The following PRELID2 variants were observed in gnomAD, a reference collection of about 807,000 sequenced individuals.
PRELID2 encodes the protein PRELI domain-containing protein 2.
Under a neutral mutation model 28.4 loss-of-function variants are expected in PRELID2, and 25 were observed. The ratio of observed to expected loss-of-function variants is 0.88; its 90% CI spans 0.64 to 1.23. The LOEUF (loss-of-function observed/expected upper bound fraction) is 1.23, where lower values mean the gene tolerates loss of function less well. Ranked by LOEUF, PRELID2 falls within the 50% of genes most tolerant of loss-of-function variation. The pLI, the probability that PRELID2 is intolerant of heterozygous loss-of-function variation, is 0.00. For synonymous variants in PRELID2, 76 were observed against 71.6 expected, an observed-to-expected ratio of 1.06 and a Z score of -0.31; for missense variants, 201 against 214.4, an observed-to-expected ratio of 0.94 and a Z score of 0.39.
At chr5:145,348,642 A>ATT in the PRELID2 span, among the ~76,000 whole-genome samples, 8 of 145,666 alleles carry the variant, frequency 5.5e-5, no homozygotes, top group African/African-American at 2.0e-4. Flanking sequence ...AATTGCAGCC[A>ATT]TTTTTTTTTT....
At chr5:145,516,226 G>C (rs565378154) in intron 1 of PRELID2, among the ~76,000 whole-genome samples, 4 of 152,182 alleles carry the variant, frequency 2.6e-5, no homozygotes, top group Non-Finnish European at 5.9e-5. Context: ...TGACATGATT[G>C]TGTATTTAGA....
At chr5:145,355,791 A>T in the PRELID2 span, among the ~76,000 whole-genome samples, 3 of 151,936 alleles carry the variant, frequency 2.0e-5, no homozygotes, top group South Asian at 4.2e-4. Flanking sequence ...TTAGAATCTC[A>T]TCTGTGAAAT....
At chr5:145,424,445 G>A in the PRELID2 span, among the ~76,000 whole-genome samples, 3,860 of 152,260 alleles carry the variant, frequency 0.025, 139 homozygotes, top group African/African-American at 0.081. Context: ...ATGGTGCACC[G>A]TTTTTTAAGC....
chr5:145,821,434 C>T (rs759284394), intron 2 of PRELID2, among the ~76,000 whole-genome samples: 27 of 151,986 alleles, frequency 1.8e-4, no homozygotes, highest in Non-Finnish European at 3.5e-4. Context: ...GGACTGCAAC[C>T]ATTTTGTTCT....
chr5:145,657,905 G>T (rs1176371755), intron 1 of PRELID2, among the ~76,000 whole-genome samples: 3 of 152,132 alleles, frequency 2.0e-5, no homozygotes, highest in East Asian at 1.9e-4. Context: ...CTATCTTTCT[G>T]CATCCTCTCA....
the PRELID2 span, among the ~76,000 whole-genome samples, chr5:145,319,115 G>C: frequency 6.6e-6 from 1 of 152,076 alleles, no homozygotes; most frequent in Admixed American, 6.5e-5. Context: ...TATGGTATAG[G>C]GGGGCGTTGT....
the PRELID2 span, among the ~76,000 whole-genome samples, chr5:145,373,945 T>C: frequency 7.0e-6 from 1 of 142,526 alleles, no homozygotes; most frequent in Non-Finnish European, 1.5e-5. Context: ...ATAATATATA[T>C]GATATTATAT....
chr5:145,633,900 A>G (rs1214831862), intron 1 of PRELID2, among the ~76,000 whole-genome samples: 1 of 152,158 alleles, frequency 6.6e-6, no homozygotes, highest in Non-Finnish European at 1.5e-5. Context: ...AAGGATGCAA[A>G]AGCCATGTTC....
intron 1 of PRELID2, among the ~76,000 whole-genome samples, chr5:145,600,420 G>GAAAA (rs35455268): frequency 1.3e-4 from 16 of 124,164 alleles, no homozygotes; most frequent in African/African-American, 5.5e-4. Context: ...CTCAGGGGGG[G>GAAAA]AAAAAAAAAA....
At chr5:145,542,890 G>A (rs970186904) in intron 1 of PRELID2, among the ~76,000 whole-genome samples, 1 of 151,586 alleles carries the variant, frequency 6.6e-6, no homozygotes, top group African/African-American at 2.4e-5. Flanking sequence ...TTGGTGGTAT[G>A]CATCCTATCA....
chr5:145,717,622 T>A (rs934023978), intron 1 of PRELID2, among the ~76,000 whole-genome samples: 1 of 151,624 alleles, frequency 6.6e-6, no homozygotes, highest in Non-Finnish European at 1.5e-5. Context: ...TTGAATCATA[T>A]GATTTGATAC....
At chr5:145,818,226 T>A (rs1754513198) in intron 3 of PRELID2, among the ~76,000 whole-genome samples, 172 bp from the exon 4 acceptor site, 1 of 152,176 alleles carries the variant, frequency 6.6e-6, no homozygotes, top group African/African-American at 2.4e-5. Flanking sequence ...ACTATGACCT[T>A]ACTAAGTGCT....
At chr5:145,690,030 C>A (rs1755115211) in intron 1 of PRELID2, among the ~76,000 whole-genome samples, 1 of 145,308 alleles carries the variant, frequency 6.9e-6, no homozygotes, top group Non-Finnish European at 1.5e-5. Flanking sequence ...AGCTTCATGG[C>A]CCAGGCTGGA....
chr5:145,413,923 T>A, the PRELID2 span, among the ~76,000 whole-genome samples: 62,363 of 152,032 alleles, frequency 0.41, 13,166 homozygotes, highest in Admixed American at 0.48. Context: ...ATATAACACA[T>A]CTTTATTCAT....
chr5:145,672,414 G>T (rs1047662866), intron 1 of PRELID2, among the ~76,000 whole-genome samples: 4 of 150,472 alleles, frequency 2.7e-5, no homozygotes, highest in Non-Finnish European at 5.9e-5. Flanking sequence ...TCGCAAAAAG[G>T]ATCCCAACAA....
chr5:145,290,123 G>C, the PRELID2 span, among the ~76,000 whole-genome samples: 2 of 152,180 alleles, frequency 1.3e-5, no homozygotes, highest in South Asian at 4.1e-4. Context: ...AGGATGTGGA[G>C]AAATAGGAAC....
At chr5:145,563,710 T>C (rs887684061) in intron 1 of PRELID2, among the ~76,000 whole-genome samples, 13 of 152,200 alleles carry the variant, frequency 8.5e-5, no homozygotes, top group Non-Finnish European at 1.2e-4. Flanking sequence ...CTCATTTATG[T>C]GTAAAACCTA....
the PRELID2 span, chr5:145,229,169 A>C: frequency 1.1e-6 from 1 of 929,918 alleles, no homozygotes; most frequent in African/African-American, 1.6e-5. Flanking sequence ...ACAGCCCCAC[A>C]AGAAAGGGGA....
chr5:145,480,577 A>T (rs1246554984), intron 1 of PRELID2, among the ~76,000 whole-genome samples: 1 of 152,118 alleles, frequency 6.6e-6, no homozygotes, highest in Non-Finnish European at 1.5e-5. Flanking sequence ...TGGCTTGAAA[A>T]ATGCCCTCAC....
Sources: gnomAD v4.1 joint callset for allele counts (sites outside exome capture counted in the v4.1 genomes callset) on GRCh38, gnomAD v4.1.1 for gene constraint, MANE v1.5 for transcripts, NCBI Gene and HGNC (gene_info 2026-07-23, HGNC 2026-07-21) for gene names.